The following KLHDC4 variants were observed in gnomAD, a reference collection of about 807,000 sequenced individuals.
KLHDC4 encodes kelch domain-containing protein 4.
In KLHDC4, 90 loss-of-function variants were observed where a neutral mutation model predicts 62.4. That is an observed-to-expected ratio of 1.44 (90% CI 1.22 to 1.72). The LOEUF (loss-of-function observed/expected upper bound fraction) is 1.72. KLHDC4 is among the 40% of genes most tolerant of loss of function. The pLI is 0.00. For missense variants in KLHDC4, 1,025 were observed against 699.7 expected, an observed-to-expected ratio of 1.47 and a Z score of -5.25; for synonymous variants, 386 against 284.4, an observed-to-expected ratio of 1.36 and a Z score of -3.59.
chr16:87,708,068 G>C lies in KLHDC4; in HGVS notation c.*9C>G, dbSNP rs904984463. 2 of 567,594 alleles carry C rather than the reference G, an allele frequency of 3.5e-6. No individual in the cohort carries two copies. Among genetic ancestry groups the C allele is most frequent in the Non-Finnish European group, 6.7e-6 (2 of 299,370 alleles). The allele number at this position is 567,594 out of a possible 1,614,324, so 35.2% of individuals were successfully genotyped here. ...AGCACTTGCCAGGCGCCCCTGGCAG[G>C]GGCTCTTCTGATACGCAAGGAGGAA... On this transcript the variant is annotated 3_prime_UTR_variant, in exon 12 of 12. Coordinates refer to ENST00000270583, the MANE Select transcript of KLHDC4 (RefSeq NM_017566.4).
Position 87,761,496 on chromosome 16 carries a change from G to A in KLHDC4, c.191+453C>T, listed in dbSNP as rs116662774. 4.6e-3 allele frequency among the ~76,000 whole-genome samples: 695 copies of A among 152,258 alleles called. 5 individuals carry two copies. Among genetic ancestry groups the A allele is most frequent in the African/African-American group, 0.014 (561 of 41,544 alleles). ...TCCTACAGACTCGGAACGTTTTTAC[G>A]TAATTTTCAAATCCATTTAAAATGG... On this transcript the variant is annotated intron_variant, in intron 2 of 11. Transcript: ENST00000270583.
At chr16:87,746,763 G>T (rs1250446495) in intron 5 of KLHDC4, among the ~76,000 whole-genome samples, 1 of 152,168 alleles carries the variant, frequency 6.6e-6, no homozygotes, top group Non-Finnish European at 1.5e-5. Flanking sequence ...GGAACTGGGG[G>T]CCAAGAATCG....
chr16:87,747,133 G>C (rs1298541531), intron 5 of KLHDC4, among the ~76,000 whole-genome samples: 1 of 152,208 alleles, frequency 6.6e-6, no homozygotes, highest in African/African-American at 2.4e-5. Flanking sequence ...CTGAAGGCAC[G>C]AGAGAGCCCT....
In KLHDC4 at chr16:87,730,508, T is replaced by A. The variant is rs766579982; in HGVS notation, c.599+44A>T. The A allele has an allele frequency of 2.7e-6, 4 of 1,503,990 alleles. No individual in the cohort carries two copies. The East Asian group carries it at 9.1e-5, about 34-fold the overall frequency. 93.2% of individuals were successfully genotyped at this position (1,503,990 alleles called of 1,614,324 possible). ...GCTCTTTCTATAAAAAGCCCACTCC[T>A]TAATGCTTCAGGAGAGAAAGATTTT... On this transcript the variant is annotated intron_variant, in intron 6 of 11. Transcript: ENST00000270583.
rs2035361181 is a variant in KLHDC4 at position 87,709,586 on chromosome 16, C to G, written c.1126G>C (p.Ala376Pro). The G allele has an allele frequency of 1.3e-5, 21 of 1,612,934 alleles. No individual in the cohort carries two copies. Among genetic ancestry groups the G allele is most frequent in the Non-Finnish European group, 1.7e-5 (20 of 1,179,852 alleles). The change falls in exon 10 of 12, where the codon GCT (alanine) becomes CCT (proline). Residue 376 changes from alanine to proline, a missense_variant. Physicochemically the swap from Ala to Pro is conservative, Grantham distance 27. Coordinates refer to ENST00000270583, the MANE Select transcript of KLHDC4 (RefSeq NM_017566.4). ...EGGSRPACGG[A>P]GTQGPVQLVK... ...AGCTGCACAGGCCCCTGGGTGCCAG[C>G]TCCCCCACACGCCGGCCTGCTACCA...
chr16:87,718,066 C>A (rs999851176), intron 7 of KLHDC4, among the ~76,000 whole-genome samples: 1 of 152,184 alleles, frequency 6.6e-6, no homozygotes, highest in African/African-American at 2.4e-5. Flanking sequence ...CATGGTTCGA[C>A]CTCCCCAACA....
At chr16:87,734,670 C>T (rs1251130316) in intron 5 of KLHDC4, among the ~76,000 whole-genome samples, 2 of 152,176 alleles carry the variant, frequency 1.3e-5, no homozygotes. Flanking sequence ...TTAATCCAAC[C>T]CGGAGTTGGC....
intron 6 of KLHDC4, among the ~76,000 whole-genome samples, chr16:87,729,972 C>G (rs2040051311): frequency 6.6e-6 from 1 of 152,062 alleles, no homozygotes; most frequent in South Asian, 2.1e-4. Flanking sequence ...TTTATTTTTT[C>G]AAACGAAGTC....
chr16:87,737,626 C>T (rs1245319945), intron 5 of KLHDC4, among the ~76,000 whole-genome samples: 2 of 148,366 alleles, frequency 1.3e-5, no homozygotes, highest in Non-Finnish European at 3.0e-5. Context: ...CTCGCTCTGT[C>T]ACCCAGGCTG....
chr16:87,739,261 G>T (rs1047176532), intron 5 of KLHDC4, among the ~76,000 whole-genome samples: 3 of 109,662 alleles, frequency 2.7e-5, no homozygotes, highest in African/African-American at 1.1e-4. Context: ...CCACACACCA[G>T]CATCTCATCC....
chr16:87,763,068 G>A (rs1434109673), intron 1 of KLHDC4, among the ~76,000 whole-genome samples: 2 of 152,148 alleles, frequency 1.3e-5, no homozygotes, highest in Admixed American at 6.6e-5. Context: ...AGGGTACACT[G>A]CTTAGTATTC....
intron 5 of KLHDC4, among the ~76,000 whole-genome samples, chr16:87,734,986 ACGAATTGCCTGACGCCCCT>A (rs2041046888): frequency 1.3e-5 from 1 of 78,256 alleles, no homozygotes; most frequent in African/African-American, 5.2e-5. Flanking sequence ...CCCCCTCCTG[ACGAATTGCCTGACGCCCCT>A]CCCCCTCCTG....
At chr16:87,725,196 G>A (rs528855429) in intron 7 of KLHDC4, among the ~76,000 whole-genome samples, 4 of 152,292 alleles carry the variant, frequency 2.6e-5, no homozygotes, top group African/African-American at 4.8e-5. Flanking sequence ...CAGCGGGGCC[G>A]AGTGGGAAGG....
chr16:87,727,201 T>C (rs186034534), intron 6 of KLHDC4, among the ~76,000 whole-genome samples: 1 of 151,882 alleles, frequency 6.6e-6, no homozygotes, highest in Admixed American at 6.5e-5. Flanking sequence ...TAATTCAAGT[T>C]TGAATTGATA....
chr16:87,711,941 C>T lies in KLHDC4; in HGVS notation c.836-498G>A, dbSNP rs983763814. 3.3e-5 allele frequency among the ~76,000 whole-genome samples: 5 copies of T among 149,556 alleles called. No homozygotes were observed. The South Asian group carries it at 8.4e-4, about 25-fold the overall frequency. On this transcript the variant is annotated intron_variant, in intron 8 of 11. Coordinates refer to ENST00000270583, the MANE Select transcript of KLHDC4 (RefSeq NM_017566.4). ...TGTGCCAGCCCCCCTTGGGCCTGCACGGGGACCCTCCGCCCTGCAAGGGGA... is the reference window on the plus strand; with the variant it reads ...TGTGCCAGCCCCCCTTGGGCCTGCATGGGGACCCTCCGCCCTGCAAGGGGA...
intron 2 of KLHDC4, among the ~76,000 whole-genome samples, chr16:87,756,977 C>A (rs2045051169): frequency 6.6e-6 from 1 of 151,836 alleles, no homozygotes; most frequent in East Asian, 2.0e-4. Flanking sequence ...CCACACCCAG[C>A]TAGTTTTTGT....
At chr16:87,725,328 G>T (rs985518681) in intron 7 of KLHDC4, among the ~76,000 whole-genome samples, 30 of 152,284 alleles carry the variant, frequency 2.0e-4, no homozygotes, top group Admixed American at 1.4e-3. Flanking sequence ...ACCACGCCCG[G>T]CTAATTTTTT....
intron 7 of KLHDC4, among the ~76,000 whole-genome samples, chr16:87,723,869 C>T (rs1007370663): frequency 1.3e-5 from 2 of 152,186 alleles, no homozygotes; most frequent in African/African-American, 4.8e-5. Flanking sequence ...ATGAGTCTTG[C>T]TCTATTGCCC....
intron 5 of KLHDC4, 52 bp from the exon 6 acceptor site, chr16:87,730,696 T>C (rs2143003386): frequency 1.3e-6 from 2 of 1,495,386 alleles, no homozygotes; most frequent in Non-Finnish European, 1.8e-6. Context: ...TTTCTGGTTG[T>C]TCTAAAGACG....
Sources: gnomAD v4.1 joint callset for allele counts (sites outside exome capture counted in the v4.1 genomes callset) on GRCh38, gnomAD v4.1.1 for gene constraint, MANE v1.5 for transcripts, NCBI Gene and HGNC (gene_info 2026-07-23, HGNC 2026-07-21) for gene names.